The following ASL variants were observed in gnomAD, a reference collection of about 807,000 sequenced individuals.
The protein encoded by ASL is argininosuccinate lyase.
In ASL, 51 loss-of-function variants were observed where a neutral mutation model predicts 69.1. The observed-to-expected ratio is 0.74, with a 90% CI of 0.59 to 0.93. The LOEUF (loss-of-function observed/expected upper bound fraction) is 0.93, where lower values mean the gene tolerates loss of function less well. Ranked by LOEUF, ASL falls within the 40% of genes least tolerant of loss-of-function variation. The probability of loss-of-function intolerance (pLI) is 0.00; values close to 1 mark genes in which losing one functional copy is unlikely to be tolerated. For missense variants in ASL, 540 were observed against 623.9 expected, an observed-to-expected ratio of 0.87 and a Z score of 1.43; for synonymous variants, 241 against 247.6, an observed-to-expected ratio of 0.97 and a Z score of 0.25.
intron 14 of ASL, chr7:66,091,700 G>A: frequency 2.4e-6 from 1 of 409,792 alleles, no homozygotes. Context: ...CTGGACAACA[G>A]AGCAAGACCC....
intron 13 of ASL, 122 bp downstream of exon 13, chr7:66,089,457 T>C: frequency 2.8e-6 from 4 of 1,445,596 alleles, no homozygotes. Context: ...GCTCCATCCG[T>C]GGCTGCCCTT....
chr7:66,092,496 T>C (rs1365420278), intron 15 of ASL, 61 bp from the exon 16 acceptor site: 1 of 1,425,040 alleles, frequency 7.0e-7, no homozygotes, highest in Non-Finnish European at 9.7e-7. Flanking sequence ...GTGCAGGCAA[T>C]GGAGGCAGAT....
chr7:66,087,717 C>T lies in ASL; in HGVS notation c.656-12C>T. ...TCCTCCAGCTTAGCCCTGCTTCCTC[C>T]CACCCCCCCAGAACTCAACTTTGGG... On this transcript the variant is annotated splice_polypyrimidine_tract_variant and intron_variant, in intron 9 of 16. Transcript: ENST00000304874. The T allele has an allele frequency of 1.2e-6, 2 of 1,614,048 alleles. No homozygotes were observed. The highest frequency in any genetic ancestry group is 1.7e-6 in the Non-Finnish European group (2 of 1,180,012).
chr7:66,092,148 GAGCTCAGGAATGGGTGCA>G lies in ASL; in HGVS notation c.1143+66_1143+83del, dbSNP rs1428877395. ...GGGGTGCCCCCCCCAGAGGGTGGGG[GAGCTCAGGAATGGGTGCA>G]AGCGGCCCAGCCTGGTGGCTCACCC... is the stretch of plus-strand genomic sequence containing the variant. On this transcript the variant is annotated intron_variant, in intron 15 of 16. Coordinates refer to ENST00000304874, the MANE Select transcript of ASL (RefSeq NM_000048.4). 12 of 1,582,264 alleles carry G rather than the reference GAGCTCAGGAATGGGTGCA, an allele frequency of 7.6e-6. No individual in the cohort carries two copies. In the Admixed American group the frequency reaches 2.0e-4, roughly 26 times the overall value.
At chr7:66,081,780 A>G (rs1562737028) in intron 2 of ASL, 23 bp from the exon 3 acceptor site, 2 of 1,609,550 alleles carry the variant, frequency 1.2e-6, no homozygotes, top group African/African-American at 1.3e-5. Context: ...GGAGAGACTA[A>G]TTGTTCTTGC....
intron 9 of ASL, 106 bp downstream of exon 9, chr7:66,087,492 A>AAC: frequency 4.3e-6 from 6 of 1,393,074 alleles, no homozygotes; most frequent in Non-Finnish European, 6.0e-6. Context: ...CTCCTGGTGA[A>AAC]ACCTTCATTC....
In ASL at chr7:66,078,626, CTTATTA is replaced by C. The variant is rs140699491; in HGVS notation, c.12+2551_12+2556del. On this transcript the variant is annotated intron_variant, in intron 2 of 16. Transcript: ENST00000304874. ...AGAGAGGTACTATTATTATCCTTAT[CTTATTA>C]TTATTATTATTATTATTTTTAAGAA... Among the ~76,000 whole-genome samples, 6 of 151,234 alleles carry C rather than the reference CTTATTA, an allele frequency of 4.0e-5. No homozygotes were observed. In the South Asian group the frequency reaches 1.0e-3, roughly 26 times the overall value.
rs1431884873 is a variant in ASL at position 66,081,985 on chromosome 7, T to C, written c.195T>C (p.His65=). 3 of 1,609,168 alleles carry C rather than the reference T, an allele frequency of 1.9e-6. No homozygotes were observed. The African/African-American group carries it at 4.0e-5, about 21-fold the overall frequency. ...AGGCCGAGATGGACCAGATACTCCA[T>C]GGCCTAGACAAGGTACTTGCCGTGG... The part of the protein sequence containing the change: ...LTKAEMDQIL[H]GLDKVAEEWA... The change falls in exon 3 of 17, where the codon CAT becomes CAC. Residue 65 remains histidine, a synonymous_variant. Transcript: ENST00000304874.
chr7:66,088,806 G>T lies in ASL; in HGVS notation c.719-1G>T, dbSNP rs369828060. The stretch of plus-strand genomic sequence containing the variant: ...TGGTGACTGGGAACCTTTTCTCCCA[G>T]CCGAGTTCCTGTTCTGGGCTTCGCT... On this transcript the variant is annotated splice_acceptor_variant, in intron 10 of 16. Transcript: ENST00000304874. LOFTEE classifies it high-confidence loss of function. 6.2e-7 allele frequency: 1 copy of T among 1,612,196 alleles called. No individual in the cohort carries two copies.
rs768427918 is a variant in ASL, at chr7:66,086,839, GC to G, written c.602+22del. The G allele has an allele frequency of 2.1e-5, 33 of 1,560,056 alleles. No homozygotes were observed. The highest frequency in any genetic ancestry group is 2.7e-5 in the Non-Finnish European group (31 of 1,152,842). On this transcript the variant is annotated intron_variant, in intron 8 of 16. Coordinates refer to ENST00000304874, the MANE Select transcript of ASL (RefSeq NM_000048.4). Reference sequence around the variant, plus strand: ...CTGGGGAGGTGGGTGAGGCTCCAGTGCCCCGAGGGCCTGGTGGGGGTGGCTG... The same window carrying G: ...CTGGGGAGGTGGGTGAGGCTCCAGTGCCCGAGGGCCTGGTGGGGGTGGCTG...
intron 5 of ASL, 25 bp downstream of exon 5, chr7:66,082,961 C>T (rs776040788): frequency 6.2e-7 from 1 of 1,612,856 alleles, no homozygotes; most frequent in Non-Finnish European, 8.5e-7. Flanking sequence ...CCACCCCCTG[C>T]TCCGTGTTGT....
At chr7:66,087,632 C>G (rs1311605100) in intron 9 of ASL, 97 bp from the exon 10 acceptor site, 3 of 1,347,956 alleles carry the variant, frequency 2.2e-6, no homozygotes, top group Non-Finnish European at 3.2e-6. Context: ...AGCTGTTGCC[C>G]CACCCTGATC....
intron 2 of ASL, among the ~76,000 whole-genome samples, chr7:66,076,824 C>T (rs979236661): frequency 1.3e-5 from 2 of 152,178 alleles, no homozygotes; most frequent in African/African-American, 4.8e-5. Context: ...GTGAGAGGGG[C>T]TGTTCGCCTG....
rs1002023330 is a variant in ASL at position 66,075,845 on chromosome 7, G to A, written c.-55G>A. 2 of 528,128 alleles carry A rather than the reference G, an allele frequency of 3.8e-6. No individual in the cohort carries two copies. Among genetic ancestry groups the A allele is most frequent in the African/African-American group, 2.1e-5 (1 of 48,624 alleles). 32.7% of individuals were successfully genotyped at this position (528,128 alleles called of 1,614,324 possible). ...GTGGCGGGCGCGACACTATCCGTGC[G>A]GCCAGGCGGAGGTGAGTGCGCGGCG... On this transcript the variant is annotated 5_prime_UTR_variant, in exon 1 of 17. Transcript: ENST00000304874.
At chr7:66,090,713 GCT>G (rs1786816861) in intron 14 of ASL, among the ~76,000 whole-genome samples, 1 of 152,046 alleles carries the variant, frequency 6.6e-6, no homozygotes, top group Non-Finnish European at 1.5e-5. Flanking sequence ...TTTACCCACA[GCT>G]CTCTCCCACT....
At chr7:66,084,139 T>C (rs1052922361) in intron 6 of ASL, among the ~76,000 whole-genome samples, 2 of 151,822 alleles carry the variant, frequency 1.3e-5, no homozygotes, top group African/African-American at 4.8e-5. Context: ...GTTTCTTTAA[T>C]TTTTTGTTGT....
chr7:66,078,963 G>A (rs2115673181), intron 2 of ASL, among the ~76,000 whole-genome samples: 1 of 152,182 alleles, frequency 6.6e-6, no homozygotes, highest in Admixed American at 6.6e-5. Context: ...AGGCTGGAGT[G>A]CAGTGGCACG....
chr7:66,078,261 G>A (rs999209478), intron 2 of ASL, among the ~76,000 whole-genome samples: 1 of 152,154 alleles, frequency 6.6e-6, no homozygotes, highest in Non-Finnish European at 1.5e-5. Flanking sequence ...CCCACGTGGT[G>A]CTTTGCTGGA....
intron 2 of ASL, among the ~76,000 whole-genome samples, chr7:66,081,579 CAAAA>C (rs113517237): frequency 2.6e-5 from 3 of 115,344 alleles, no homozygotes; most frequent in African/African-American, 3.3e-5. Context: ...GACTCTGTCT[CAAAA>C]AAAAAAAAAA....
Sources: gnomAD v4.1 joint callset for allele counts (sites outside exome capture counted in the v4.1 genomes callset) on GRCh38, gnomAD v4.1.1 for gene constraint, MANE v1.5 for transcripts, NCBI Gene and HGNC (gene_info 2026-07-23, HGNC 2026-07-21) for gene names.